The following ADGRL2 variants were observed in gnomAD, a reference collection of about 807,000 sequenced individuals.
The protein encoded by ADGRL2 is adhesion G protein-coupled receptor L2.
A neutral mutation model predicts 157.4 loss-of-function variants in ADGRL2; 44 were observed. The observed-to-expected ratio is 0.28, with a 90% CI of 0.22 to 0.36. The LOEUF is 0.36. ADGRL2 is among the 10% of genes least tolerant of loss of function. ADGRL2 has a pLI of 1.00. For synonymous variants in ADGRL2, 585 were observed against 624.7 expected, an observed-to-expected ratio of 0.94 and a Z score of 0.95; for missense variants, 1,510 against 1,768.9, an observed-to-expected ratio of 0.85 and a Z score of 2.63.
At chr1:81,858,734 G>C (rs3790933) in intron 2 of ADGRL2, among the ~76,000 whole-genome samples, 11,069 of 152,040 alleles carry the variant, frequency 0.073, 505 homozygotes, top group South Asian at 0.16. Context: ...CAAGTATAAA[G>C]GTCCTGAAAA....
At chr1:81,725,403 G>A (rs1306391400) in intron 1 of ADGRL2, among the ~76,000 whole-genome samples, 1 of 151,932 alleles carries the variant, frequency 6.6e-6, no homozygotes, top group Non-Finnish European at 1.5e-5. Context: ...GCTGGGCGTG[G>A]TAGCAGGCGC....
chr1:81,390,738 T>C (rs1414980540), intron 1 of ADGRL2, among the ~76,000 whole-genome samples: 1 of 152,308 alleles, frequency 6.6e-6, no homozygotes, highest in East Asian at 1.9e-4. Context: ...TCTGTATCAG[T>C]ACATATTGAT....
At chr1:81,620,715 C>G (rs1391569078) in intron 3 of ADGRL2, among the ~76,000 whole-genome samples, 1 of 152,146 alleles carries the variant, frequency 6.6e-6, no homozygotes, top group Non-Finnish European at 1.5e-5. Flanking sequence ...GAAAAAGGAA[C>G]AGTTTAGTTG....
chr1:81,975,928 A>G (rs1660086510), intron 17 of ADGRL2, among the ~76,000 whole-genome samples: 1 of 152,076 alleles, frequency 6.6e-6, no homozygotes, highest in Non-Finnish European at 1.5e-5. Flanking sequence ...TATAATTATC[A>G]GAATGTATTG....
chr1:81,776,363 A>G (rs1002990570), intron 2 of ADGRL2, among the ~76,000 whole-genome samples: 6 of 151,768 alleles, frequency 4.0e-5, no homozygotes, highest in Non-Finnish European at 7.4e-5. Flanking sequence ...TAATTTTTGT[A>G]TTTTCAGTAG....
At chr1:81,828,313 T>C (rs2091669051) in intron 1 of ADGRL2, among the ~76,000 whole-genome samples, 1 of 152,218 alleles carries the variant, frequency 6.6e-6, no homozygotes, top group African/African-American at 2.4e-5. Flanking sequence ...GCATAAAATG[T>C]TGGTTCTAAT....
At chr1:81,614,860 A>T (rs2148682912) in intron 3 of ADGRL2, among the ~76,000 whole-genome samples, 1 of 151,932 alleles carries the variant, frequency 6.6e-6, no homozygotes, top group African/African-American at 2.4e-5. Flanking sequence ...AAAAAAAAAA[A>T]AAAATTAGCC....
chr1:81,694,200 T>C lies in ADGRL2; in HGVS notation c.-142-67611T>C, dbSNP rs1367801374. On this transcript the variant is annotated intron_variant, in intron 3 of 24. Coordinates refer to the ADGRL2 transcript ENST00000370721. ...CATATGAAAAACACTTGAGAATATA[T>C]TATGTGCATTTAAAAAAAGCACCTA... 2.0e-5 allele frequency among the ~76,000 whole-genome samples: 3 copies of C among 152,232 alleles called. No individual in the cohort carries two copies. The East Asian group carries it at 5.8e-4, about 29-fold the overall frequency.
chr1:81,313,641 A>G (rs1659906334), intron 1 of ADGRL2, among the ~76,000 whole-genome samples: 1 of 152,216 alleles, frequency 6.6e-6, no homozygotes, highest in African/African-American at 2.4e-5. Flanking sequence ...ACTATGGATC[A>G]GACAAATATA....
intron 2 of ADGRL2, among the ~76,000 whole-genome samples, chr1:81,860,447 G>T (rs1025974718): frequency 2.0e-5 from 3 of 152,092 alleles, no homozygotes; most frequent in Non-Finnish European, 1.5e-5. Context: ...AAAGTGCTGG[G>T]ATTCTAAGTG....
chr1:81,465,649 G>C (rs577064308), intron 2 of ADGRL2, among the ~76,000 whole-genome samples: 1 of 152,018 alleles, frequency 6.6e-6, no homozygotes, highest in Non-Finnish European at 1.5e-5. Flanking sequence ...CTAGTTTTAC[G>C]TCCCTATGAT....
intron 2 of ADGRL2, among the ~76,000 whole-genome samples, chr1:81,525,547 AC>A (rs745464708): frequency 6.6e-6 from 1 of 152,130 alleles, no homozygotes; most frequent in Non-Finnish European, 1.5e-5. Flanking sequence ...TGAACTCCTG[AC>A]CTCAAGTGAT....
At chr1:81,447,200 A>AT (rs35469389) in intron 2 of ADGRL2, among the ~76,000 whole-genome samples, 77,000 of 151,404 alleles carry the variant, frequency 0.51, 21,063 homozygotes, top group Non-Finnish European at 0.61. Context: ...TACCATTCCC[A>AT]GATGATACTT....
intron 2 of ADGRL2, among the ~76,000 whole-genome samples, chr1:81,542,618 A>G (rs1208547675): frequency 1.3e-5 from 2 of 152,238 alleles, no homozygotes; most frequent in South Asian, 2.1e-4. Flanking sequence ...AGTAAGGTCA[A>G]TAACATTTGT....
At chr1:81,820,192 A>G (rs2090840238) in intron 1 of ADGRL2, among the ~76,000 whole-genome samples, 1 of 152,196 alleles carries the variant, frequency 6.6e-6, no homozygotes, top group South Asian at 2.1e-4. Flanking sequence ...AACTCAGAGT[A>G]GGCTCTCAAT....
At chr1:81,808,506 A>C (rs1426075178) in intron 1 of ADGRL2, among the ~76,000 whole-genome samples, 1 of 151,992 alleles carries the variant, frequency 6.6e-6, no homozygotes, top group African/African-American at 2.4e-5. Flanking sequence ...TGCATGACAT[A>C]CGAGAAACTA....
At chr1:81,704,816 A>G (rs2149047247) in intron 1 of ADGRL2, among the ~76,000 whole-genome samples, 1 of 152,358 alleles carries the variant, frequency 6.6e-6, no homozygotes, top group African/African-American at 2.4e-5. Context: ...TTGAAGATAA[A>G]CATATCAGGC....
intron 2 of ADGRL2, among the ~76,000 whole-genome samples, chr1:81,893,325 T>TTTTTTTTGTTTTTGTTTTTA (rs2094311412): frequency 6.6e-6 from 1 of 152,198 alleles, no homozygotes. Flanking sequence ...TGTCTTGTAT[T>TTTTTTTTGTTTTTGTTTTTA]TTTCTTTTTT....
intron 3 of ADGRL2, among the ~76,000 whole-genome samples, chr1:81,933,084 C>T (rs909308762): frequency 6.6e-6 from 1 of 152,126 alleles, no homozygotes; most frequent in Non-Finnish European, 1.5e-5. Flanking sequence ...ACTGCTTTCA[C>T]TATCTTAAGT....
Sources: allele counts gnomAD v4.1 joint callset (sites outside exome capture counted in the v4.1 genomes callset), GRCh38; gene constraint gnomAD v4.1.1; transcripts MANE v1.5; gene names NCBI Gene and HGNC (gene_info 2026-07-23, HGNC 2026-07-21).